Variants in PLXNA4 observed in about 807,000 individuals in gnomAD.
PLXNA4 encodes plexin-A4.
PLXNA4 carries 44 observed loss-of-function variants against 191.8 expected under a neutral mutation model. The ratio of observed to expected loss-of-function variants is 0.23; its 90% CI spans 0.18 to 0.29. PLXNA4 has a LOEUF of 0.29. Ranked by LOEUF, PLXNA4 falls within the 10% of genes least tolerant of loss-of-function variation. The pLI, the probability that PLXNA4 is intolerant of heterozygous loss-of-function variation, is 1.00. For missense variants in PLXNA4, 1,800 were observed against 2,488.8 expected (o/e 0.72, Z 5.89); for synonymous variants, 1,082 against 1,009.5 (o/e 1.07, Z -1.36).
intron 1 of PLXNA4, among the ~76,000 whole-genome samples, chr7:132,563,958 CCCAT>C: frequency 8.4e-6 from 1 of 119,438 alleles, no homozygotes; most frequent in Non-Finnish European, 1.8e-5. Flanking sequence ...CCTTTTCCTC[CCCAT>C]TCTTTCTCCT....
chr7:132,519,420 C>T (rs146350743), intron 1 of PLXNA4, among the ~76,000 whole-genome samples: 129 of 152,328 alleles, frequency 8.5e-4, no homozygotes, highest in African/African-American at 2.9e-3. Flanking sequence ...CTTGCTGTCA[C>T]GTCTGCTGCC....
intron 9 of PLXNA4, among the ~76,000 whole-genome samples, chr7:132,222,992 G>A (rs1349406): frequency 0.4 from 61,481 of 152,052 alleles, 12,807 homozygotes; most frequent in South Asian, 0.6. Context: ...AAGACTTCGT[G>A]TTTCTAGCAA....
At chr7:132,406,225 G>T (rs1794213628) in intron 3 of PLXNA4, among the ~76,000 whole-genome samples, 1 of 152,172 alleles carries the variant, frequency 6.6e-6, no homozygotes, top group South Asian at 2.1e-4. Flanking sequence ...ACAGAAGTTG[G>T]CTCATTTGAA....
intron 3 of PLXNA4, among the ~76,000 whole-genome samples, chr7:132,439,900 G>T (rs187494680): frequency 2.0e-5 from 3 of 152,284 alleles, no homozygotes; most frequent in Admixed American, 2.0e-4. Flanking sequence ...GAGCAGTGTG[G>T]CACTTTGTAA....
intron 4 of PLXNA4, among the ~76,000 whole-genome samples, chr7:132,241,655 G>A (rs761552121): frequency 4.5e-4 from 68 of 152,106 alleles, no homozygotes; most frequent in Non-Finnish European, 2.1e-4. Flanking sequence ...CATTTAGTCT[G>A]AGACCAAGAC....
intron 3 of PLXNA4, among the ~76,000 whole-genome samples, chr7:132,445,809 C>T (rs1187778133): frequency 1.3e-5 from 2 of 152,210 alleles, no homozygotes; most frequent in East Asian, 3.9e-4. Context: ...AAGCTCTTCT[C>T]TCTGGGGGCT....
At chr7:132,169,651 A>G (rs993974415) in intron 21 of PLXNA4, among the ~76,000 whole-genome samples, 10 of 152,180 alleles carry the variant, frequency 6.6e-5, no homozygotes, top group Admixed American at 4.6e-4. Flanking sequence ...GATAAAATTA[A>G]TCAATGGTTG....
intron 10 of PLXNA4, among the ~76,000 whole-genome samples, chr7:132,207,294 A>G (rs1360705408): frequency 6.6e-6 from 1 of 152,194 alleles, no homozygotes; most frequent in Non-Finnish European, 1.5e-5. Flanking sequence ...GACGGTGCCA[A>G]GAGAAAACCA....
intron 1 of PLXNA4, among the ~76,000 whole-genome samples, chr7:132,562,441 A>ATCCTCCTCCTCCTTC (rs1307849377): frequency 3.5e-4 from 10 of 28,610 alleles, no homozygotes; most frequent in African/African-American, 1.5e-3. Context: ...TTTCCTCTTC[A>ATCCTCCTCCTCCTTC]TCCTCCTCCT....
At chr7:132,619,956 A>G (rs189815887) in intron 2 of PLXNA4, among the ~76,000 whole-genome samples, 1 of 152,216 alleles carries the variant, frequency 6.6e-6, no homozygotes, top group Non-Finnish European at 1.5e-5. Context: ...GCCCACCACC[A>G]TGCCCAGCTA....
At chr7:132,517,265 G>T (rs1342720005) in intron 1 of PLXNA4, among the ~76,000 whole-genome samples, 1 of 152,106 alleles carries the variant, frequency 6.6e-6, no homozygotes, top group Non-Finnish European at 1.5e-5. Flanking sequence ...ATTTCCACAT[G>T]GTATCCAGGT....
At chr7:132,563,554 T>G (rs1189103719) in intron 1 of PLXNA4, among the ~76,000 whole-genome samples, 1 of 116,490 alleles carries the variant, frequency 8.6e-6, no homozygotes, top group Non-Finnish European at 1.8e-5. Context: ...CTCCTTCTCC[T>G]ACTCCTTCTC....
chr7:132,256,288 C>T (rs188613803), intron 4 of PLXNA4, among the ~76,000 whole-genome samples: 100 of 152,290 alleles, frequency 6.6e-4, no homozygotes, highest in African/African-American at 2.1e-3. Context: ...AGCAAGAAAA[C>T]GGATGTGACA....
intron 2 of PLXNA4, among the ~76,000 whole-genome samples, chr7:132,604,678 G>T (rs976852699): frequency 6.6e-6 from 1 of 151,758 alleles, no homozygotes; most frequent in South Asian, 2.1e-4. Context: ...TTACTTACTG[G>T]GACATCTTCC....
intron 3 of PLXNA4, among the ~76,000 whole-genome samples, chr7:132,416,988 T>C (rs1162838194): frequency 6.6e-6 from 1 of 151,724 alleles, no homozygotes; most frequent in East Asian, 1.9e-4. Flanking sequence ...CAGATTCTAG[T>C]TAAAAAAAAA....
intron 4 of PLXNA4, among the ~76,000 whole-genome samples, chr7:132,259,662 G>T (rs1799566247): frequency 6.6e-6 from 1 of 151,838 alleles, no homozygotes; most frequent in Admixed American, 6.6e-5. Flanking sequence ...CACCAAATGA[G>T]ACCTGCACAC....
chr7:132,377,835 A>T (rs1220625844), intron 3 of PLXNA4, among the ~76,000 whole-genome samples: 2 of 152,184 alleles, frequency 1.3e-5, no homozygotes, highest in African/African-American at 4.8e-5. Context: ...AAGAGCCAGG[A>T]TGGATGGCAG....
intron 3 of PLXNA4, among the ~76,000 whole-genome samples, chr7:132,482,885 G>A (rs1585201846): frequency 6.6e-6 from 1 of 152,102 alleles, no homozygotes; most frequent in African/African-American, 2.4e-5. Context: ...TAAAGGCAGG[G>A]TTTTACCACG....
At chr7:132,534,728 T>A (rs1421726892) in intron 1 of PLXNA4, among the ~76,000 whole-genome samples, 1 of 152,160 alleles carries the variant, frequency 6.6e-6, no homozygotes, top group Non-Finnish European at 1.5e-5. Context: ...TATTTGTACC[T>A]CAAAAGACTG....
Sources: gnomAD v4.1 joint callset for allele counts (sites outside exome capture counted in the v4.1 genomes callset) on GRCh38, gnomAD v4.1.1 for gene constraint, MANE v1.5 for transcripts, NCBI Gene and HGNC (gene_info 2026-07-23, HGNC 2026-07-21) for gene names.